IL5RA: variants seen among roughly 807,000 people sequenced by gnomAD.
IL5RA encodes the protein interleukin-5 receptor subunit alpha.
IL5RA carries 49 observed loss-of-function variants against 50.0 expected under a neutral mutation model. That is an observed-to-expected ratio of 0.98 (90% CI 0.78 to 1.24). The LOEUF is 1.24. Among genes scored for constraint, IL5RA ranks in the 50% most tolerant of loss-of-function variants. The pLI is 0.00. For synonymous variants in IL5RA, 202 were observed against 174.0 expected (o/e 1.16, Z -1.26); for missense variants, 600 against 500.4 (o/e 1.20, Z -1.90).
intron 2 of IL5RA, chr3:3,105,630 C>G (rs1283498066): frequency 7.0e-6 from 1 of 142,082 alleles, no homozygotes; most frequent in Non-Finnish European, 1.5e-5. Flanking sequence ...TTGTTCCCCC[C>G]CCCACCCCGC....
intron 2 of IL5RA, among the ~76,000 whole-genome samples, chr3:3,107,724 A>C (rs1416211729): frequency 1.3e-5 from 2 of 152,166 alleles, no homozygotes; most frequent in African/African-American, 4.8e-5. Context: ...AGTCAATCTA[A>C]AATTCCTCAA....
chr3:3,095,717 C>T (rs112782582), intron 7 of IL5RA, among the ~76,000 whole-genome samples: 3 of 151,778 alleles, frequency 2.0e-5, no homozygotes, highest in African/African-American at 7.3e-5. Flanking sequence ...TTACTTCCCC[C>T]CCTCAGCTCA....
Position 3,095,363 on chromosome 3 carries a change from G to A in IL5RA, c.791C>T (p.Ala264Val). ...LSIQWEKPVSAFPIHCFDYEV... is the reference protein window; with the variant it reads ...LSIQWEKPVSVFPIHCFDYEV... ...ATAATCAAAGCAATGGATTGGAAAA[G>A]CAGACACTGGTTTCTCCCATTGGAT... is the stretch of plus-strand genomic sequence containing the variant. Residue 264 changes from alanine (A) to valine (V), a missense_variant, in exon 8 of 12, where the codon GCT (alanine) becomes GTT (valine). Physicochemically the swap from Ala to Val is moderately conservative, Grantham distance 64. Coordinates refer to ENST00000446632, the MANE Select transcript of IL5RA (RefSeq NM_175726.4). 1.9e-6 allele frequency: 3 copies of A among 1,608,972 alleles called. No individual in the cohort carries two copies. Among genetic ancestry groups the A allele is most frequent in the Non-Finnish European group, 2.6e-6 (3 of 1,175,474 alleles).
intron 3 of IL5RA, 63 bp downstream of exon 3, chr3:3,104,840 G>T: frequency 9.9e-7 from 1 of 1,013,102 alleles, no homozygotes. Flanking sequence ...AGGAAATAAT[G>T]TTATCCTTTT....
intron 9 of IL5RA, among the ~76,000 whole-genome samples, chr3:3,078,606 G>T (rs1053404383): frequency 3.3e-5 from 5 of 152,190 alleles, no homozygotes; most frequent in Non-Finnish European, 7.3e-5. Flanking sequence ...GGCTGAGGCG[G>T]GTGGATCACT....
intron 9 of IL5RA, among the ~76,000 whole-genome samples, chr3:3,079,240 C>T (rs1702585843): frequency 1.3e-5 from 2 of 152,176 alleles, no homozygotes; most frequent in African/African-American, 4.8e-5. Flanking sequence ...ACACTCAGCT[C>T]CAGGCCTGGA....
chr3:3,108,140 C>T (rs756312106), intron 2 of IL5RA, among the ~76,000 whole-genome samples: 2 of 152,034 alleles, frequency 1.3e-5, no homozygotes, highest in Non-Finnish European at 2.9e-5. Flanking sequence ...TTATCCTGTA[C>T]AGTATAATCA....
intron 9 of IL5RA, chr3:3,089,948 C>A: frequency 2.6e-6 from 1 of 387,380 alleles, no homozygotes; most frequent in Non-Finnish European, 4.6e-6. Flanking sequence ...ATCTACCCAG[C>A]ACTTTAAAGC....
intron 9 of IL5RA, chr3:3,089,870 C>G (rs375002815): frequency 5.6e-6 from 1 of 180,038 alleles, no homozygotes; most frequent in African/African-American, 2.4e-5. Context: ...ACCTCGGCCT[C>G]CCAAAGTGCT....
chr3:3,084,053 T>TAAA (rs11399967), intron 9 of IL5RA, among the ~76,000 whole-genome samples: 18 of 99,390 alleles, frequency 1.8e-4, no homozygotes, highest in South Asian at 6.7e-4. Context: ...CTCCATCTCA[T>TAAA]AAAAAAAAAA....
At chr3:3,089,770 G>A (rs58333477) in intron 9 of IL5RA, among the ~76,000 whole-genome samples, 5,915 of 151,822 alleles carry the variant, frequency 0.039, 180 homozygotes, top group African/African-American at 0.087. Context: ...CTACAGGCGC[G>A]CACCACCACG....
intron 9 of IL5RA, among the ~76,000 whole-genome samples, chr3:3,084,094 C>A (rs1702765438): frequency 6.6e-6 from 1 of 150,900 alleles, no homozygotes; most frequent in Non-Finnish European, 1.5e-5. Flanking sequence ...GGTTCTGCCA[C>A]TTGCTACCAA....
Position 3,092,545 on chromosome 3 carries a change from C to T in IL5RA, c.856-183G>A, listed in dbSNP as rs1054675870. 6.6e-6 allele frequency among the ~76,000 whole-genome samples: 1 copy of T among 152,118 alleles called. No individual in the cohort carries two copies. The highest frequency in any genetic ancestry group is 1.5e-5 in the Non-Finnish European group (1 of 68,020). ...TTAGTGTGGATGTGTTGGCAGTCAC[C>T]CTTCAGTGGAACGCTATCTTGTAAC... is the stretch of plus-strand genomic sequence containing the variant. On this transcript the variant is annotated intron_variant, in intron 8 of 11. Coordinates refer to ENST00000446632, the MANE Select transcript of IL5RA (RefSeq NM_175726.4). The surrounding 1 kb of genome is among the most constrained non-coding windows in gnomAD (Gnocchi z 4.2).
chr3:3,085,336 G>A (rs1702810846), intron 9 of IL5RA, among the ~76,000 whole-genome samples: 1 of 152,234 alleles, frequency 6.6e-6, no homozygotes, highest in Non-Finnish European at 1.5e-5. Flanking sequence ...AGTTTTGCAA[G>A]ATTATTTTGG....
At chr3:3,078,688 G>T (rs890814121) in intron 9 of IL5RA, among the ~76,000 whole-genome samples, 13 of 152,094 alleles carry the variant, frequency 8.5e-5, no homozygotes, top group Non-Finnish European at 1.6e-4. Context: ...ATAAAAATTA[G>T]CAGGGCATGC....
At chr3:3,095,694 T>G (rs1187803854) in intron 7 of IL5RA, among the ~76,000 whole-genome samples, 2 of 151,940 alleles carry the variant, frequency 1.3e-5, no homozygotes, top group East Asian at 3.9e-4. Flanking sequence ...CCAAATAGAG[T>G]TGAATGCTTG....
rs750767577 is a variant in IL5RA, at chr3:3,098,290, C to T, written c.368G>A (p.Gly123Glu). The T allele has an allele frequency of 6.2e-7, 1 of 1,612,900 alleles. No individual in the cohort carries two copies. Residue 123 changes from glycine (G) to glutamate (E), a missense_variant and splice_region_variant, in exon 6 of 12, where the codon GGG (glycine) becomes GAG (glutamate). Gly to Glu is a moderately conservative substitution (Grantham distance 98). Transcript: ENST00000446632. Reference protein sequence around the residue: ...WASAELHAPPGSPGTSIVNLT... With the variant: ...WASAELHAPPESPGTSIVNLT... Reference sequence around the variant, plus strand: ...ATTCACAATTGAGGTTCCAGGAGACCCTAGGTAGTCAAAAGTAAAAAGGAC... The same window carrying T: ...ATTCACAATTGAGGTTCCAGGAGACTCTAGGTAGTCAAAAGTAAAAAGGAC...
At chr3:3,108,099 G>T (rs1704014506) in intron 2 of IL5RA, among the ~76,000 whole-genome samples, 1 of 152,088 alleles carries the variant, frequency 6.6e-6, no homozygotes, top group South Asian at 2.1e-4. Context: ...GCTCTGGTAG[G>T]CTTTTAAATA....
At chr3:3,106,347 T>C (rs1703921507) in intron 2 of IL5RA, among the ~76,000 whole-genome samples, 1 of 152,236 alleles carries the variant, frequency 6.6e-6, no homozygotes, top group South Asian at 2.1e-4. Flanking sequence ...AACTTCATTA[T>C]TACTTCTTAA....
Sources: allele counts gnomAD v4.1 joint callset (sites outside exome capture counted in the v4.1 genomes callset), GRCh38; gene constraint gnomAD v4.1.1; non-coding constraint Gnocchi (gnomAD v3.1); transcripts MANE v1.5; gene names NCBI Gene and HGNC (gene_info 2026-07-23, HGNC 2026-07-21).